The following SH3D19 variants were observed in gnomAD, a reference collection of about 807,000 sequenced individuals.
The protein encoded by SH3D19 is SH3 domain containing 19.
SH3D19 carries 58 observed loss-of-function variants against 112.1 expected under a neutral mutation model. The observed-to-expected ratio is 0.52, with a 90% confidence interval of 0.42 to 0.64. The LOEUF is 0.64. Ranked by LOEUF, SH3D19 falls within the 30% of genes least tolerant of loss-of-function variation. The pLI is 0.00. For missense variants in SH3D19, 1,090 were observed against 1,263.4 expected (o/e 0.86, Z 2.08); for synonymous variants, 391 against 448.5 (o/e 0.87, Z 1.62).
At chr4:151,193,389 C>T (rs1427020801) in intron 2 of SH3D19, among the ~76,000 whole-genome samples, 1 of 152,020 alleles carries the variant, frequency 6.6e-6, no homozygotes, top group Non-Finnish European at 1.5e-5. Context: ...GTACGGTAGA[C>T]TTCAACATGG....
intron 1 of SH3D19, among the ~76,000 whole-genome samples, chr4:151,310,199 C>T (rs184229806): frequency 0.012 from 1,627 of 135,476 alleles, 29 homozygotes; most frequent in African/African-American, 0.042. Context: ...CACAGCGAAA[C>T]TCTGTCTTTA....
chr4:151,245,150 AT>A (rs1720197187), intron 1 of SH3D19, among the ~76,000 whole-genome samples: 1 of 150,042 alleles, frequency 6.7e-6, no homozygotes, highest in South Asian at 2.1e-4. Context: ...TCTCAAAAAA[AT>A]AAAATAAAAT....
At chr4:151,146,100 G>A (rs1479997416) in intron 11 of SH3D19, among the ~76,000 whole-genome samples, 1 of 152,080 alleles carries the variant, frequency 6.6e-6, no homozygotes, top group East Asian at 1.9e-4. Flanking sequence ...TGAATATACT[G>A]CCTCCTTCTT....
At position 151,139,827 on chromosome 4, in the gene SH3D19, C is replaced by A. The variant is rs747491634; in HGVS notation, c.2244G>T (p.Lys748Asn). 3 of 1,614,160 alleles carry A rather than the reference C, an allele frequency of 1.9e-6. No individual in the cohort carries two copies. In the Admixed American group the frequency reaches 5.0e-5, roughly 27 times the overall value. The change falls in exon 13 of 20, where the codon AAG becomes AAT. Residue 748 changes from lysine (K) to asparagine (N), a missense_variant. Coordinates refer to ENST00000604030, the MANE Select transcript of SH3D19 (RefSeq NM_001378122.1). ...SRPNDPSHAQKPVDSGAPHAV... is the reference protein window; with the variant it reads ...SRPNDPSHAQNPVDSGAPHAV... ...CATGAGGAGCACCACTGTCAACAGGCTTCTGAGCGTGGCTTGGATCCTTAG... is the reference window on the plus strand; with the variant it reads ...CATGAGGAGCACCACTGTCAACAGGATTCTGAGCGTGGCTTGGATCCTTAG...
intron 1 of SH3D19, among the ~76,000 whole-genome samples, chr4:151,235,567 A>G (rs1769974853): frequency 6.6e-6 from 1 of 152,166 alleles, no homozygotes; most frequent in Non-Finnish European, 1.5e-5. Flanking sequence ...GGTGAATCAC[A>G]TGAGGCCAGG....
At chr4:151,286,184 G>GAAAATAAAAAA (rs1774747087) in intron 1 of SH3D19, among the ~76,000 whole-genome samples, 1 of 86,628 alleles carries the variant, frequency 1.2e-5, no homozygotes, top group Non-Finnish European at 2.0e-5. Flanking sequence ...CTGTCTTAAA[G>GAAAATAAAAAA]AAAAAAAAAA....
intron 1 of SH3D19, among the ~76,000 whole-genome samples, chr4:151,260,800 C>G (rs1286337497): frequency 2.0e-5 from 3 of 152,148 alleles, no homozygotes; most frequent in Non-Finnish European, 2.9e-5. Flanking sequence ...TCTTTCTCAC[C>G]CTCAAGGCCT....
At chr4:151,238,281 CTATT>C (rs1238302108) in intron 1 of SH3D19, among the ~76,000 whole-genome samples, 3 of 152,082 alleles carry the variant, frequency 2.0e-5, no homozygotes, top group African/African-American at 4.8e-5. Context: ...ATTTTTTTAT[CTATT>C]TATGAAATTA....
intron 2 of SH3D19, among the ~76,000 whole-genome samples, chr4:151,219,456 G>C (rs1023714778): frequency 2.0e-5 from 3 of 152,104 alleles, no homozygotes; most frequent in African/African-American, 7.2e-5. Context: ...TATCTTGATA[G>C]TCCTGAATAA....
chr4:151,272,911 T>C (rs1421520353), intron 1 of SH3D19, among the ~76,000 whole-genome samples: 1 of 152,148 alleles, frequency 6.6e-6, no homozygotes. Flanking sequence ...ATCTAAAGAC[T>C]TGATAGTCAT....
chr4:151,127,816 T>C (rs1263496016), intron 18 of SH3D19, 101 bp from the exon 19 acceptor site: 1 of 589,486 alleles, frequency 1.7e-6, no homozygotes, highest in Non-Finnish European at 2.8e-6. Context: ...AAAAACACAG[T>C]ATCTTCTCTT....
chr4:151,260,979 C>T (rs918020278), intron 1 of SH3D19: 2 of 152,138 alleles, frequency 1.3e-5, no homozygotes, highest in East Asian at 3.8e-4. Flanking sequence ...TTCTTCATAA[C>T]ATTTATCACA....
chr4:151,282,472 T>C (rs1438138112), intron 1 of SH3D19: 2 of 1,570,558 alleles, frequency 1.3e-6, no homozygotes, highest in African/African-American at 2.7e-5. Context: ...CTCCAGAACA[T>C]TCATATTCTA....
intron 1 of SH3D19, among the ~76,000 whole-genome samples, chr4:151,251,262 G>C (rs1771369980): frequency 6.8e-6 from 1 of 146,114 alleles, no homozygotes. Flanking sequence ...ACAATGGTGT[G>C]ATCTTGGCTC....
chr4:151,269,582 T>C (rs1773084273), intron 1 of SH3D19, among the ~76,000 whole-genome samples: 1 of 152,174 alleles, frequency 6.6e-6, no homozygotes, highest in Non-Finnish European at 1.5e-5. Flanking sequence ...TTGGGTCTAA[T>C]GTTTAAGTCT....
At chr4:151,313,819 G>C (rs775967477) in intron 1 of SH3D19, among the ~76,000 whole-genome samples, 1 of 152,156 alleles carries the variant, frequency 6.6e-6, no homozygotes, top group Non-Finnish European at 1.5e-5. Flanking sequence ...AAGGAATGAA[G>C]AAACAAAGGG....
In SH3D19 at chr4:151,313,690, C is replaced by T. The variant is rs183712185; in HGVS notation, c.112+11551G>A. On this transcript the variant is annotated intron_variant, in intron 1 of 19. Transcript: ENST00000604030. Reference sequence around the variant, plus strand: ...ATTCCAAATGAATCCCACTTCCAGACGCACCCTCCACTGGCAATAGTTACA... The same window carrying T: ...ATTCCAAATGAATCCCACTTCCAGATGCACCCTCCACTGGCAATAGTTACA... 3.5e-3 allele frequency among the ~76,000 whole-genome samples: 530 copies of T among 152,238 alleles called. 1 individual carries two copies. The highest frequency in any genetic ancestry group is 4.1e-3 in the Non-Finnish European group (279 of 68,024).
At chr4:151,195,371 CAAAAAAAAAAAAAAA>C (rs58618820) in intron 2 of SH3D19, among the ~76,000 whole-genome samples, 10 of 66,774 alleles carry the variant, frequency 1.5e-4, no homozygotes, top group Admixed American at 7.1e-4. Context: ...GACTCTGTCT[CAAAAAAAAAAAAAAA>C]AAAAAAAAAA....
chr4:151,187,401 G>T, intron 3 of SH3D19, 22 bp downstream of exon 3: 1 of 1,197,454 alleles, frequency 8.4e-7, no homozygotes, highest in Non-Finnish European at 1.0e-6. Context: ...GGAAAATACA[G>T]AGAAGGAAAA....
Sources: gnomAD v4.1 joint callset for allele counts (sites outside exome capture counted in the v4.1 genomes callset) on GRCh38, gnomAD v4.1.1 for gene constraint, MANE v1.5 for transcripts, NCBI Gene and HGNC (gene_info 2026-07-23, HGNC 2026-07-21) for gene names.